ANGPT1: variants seen among roughly 807,000 people sequenced by gnomAD.
The protein encoded by ANGPT1 is angiopoietin-1.
ANGPT1 carries 17 observed loss-of-function variants against 62.2 expected under a neutral mutation model. The observed-to-expected ratio is 0.27, with a 90% CI of 0.19 to 0.41. ANGPT1 has a LOEUF of 0.41. Among genes scored for constraint, ANGPT1 ranks in the 10% least tolerant of loss-of-function variants. The pLI is 1.00. For missense variants in ANGPT1, 478 were observed against 594.9 expected (o/e 0.80, Z 2.04); for synonymous variants, 199 against 198.9 (o/e 1.00, Z 0.00).
At chr8:107,485,968 G>C (rs1339215761) in intron 1 of ANGPT1, among the ~76,000 whole-genome samples, 1 of 152,224 alleles carries the variant, frequency 6.6e-6, no homozygotes, top group African/African-American at 2.4e-5. Flanking sequence ...GACTGCAGAC[G>C]TGGGATTCTG....
At chr8:107,294,250 A>C (rs1814356105) in intron 5 of ANGPT1, 1 of 406,358 alleles carries the variant, frequency 2.5e-6, no homozygotes, top group South Asian at 5.6e-5. Context: ...TCAATGATGA[A>C]TAAATTACAT....
chr8:107,497,274 C>T lies in ANGPT1; in HGVS notation c.285G>A (p.Gln95=), dbSNP rs141470954. The T allele has an allele frequency of 1.9e-6, 3 of 1,613,142 alleles. No individual in the cohort carries two copies. Among genetic ancestry groups the T allele is most frequent in the African/African-American group, 1.3e-5 (1 of 74,876 alleles). ...HLEHVMENYT[Q]WLQKLENYIV... ...AGCAATCACTTACTTTTTGCAGCCACTGAGTATAATTTTCCATCACATGTT... is the reference window on the plus strand; with the variant it reads ...AGCAATCACTTACTTTTTGCAGCCATTGAGTATAATTTTCCATCACATGTT... Residue 95 remains glutamine, a synonymous_variant, in exon 1 of 9, where the codon CAG becomes CAA. Transcript: ENST00000517746.
chr8:107,368,863 T>C (rs566878761), intron 1 of ANGPT1, among the ~76,000 whole-genome samples: 1 of 144,306 alleles, frequency 6.9e-6, no homozygotes, highest in East Asian at 2.1e-4. Context: ...TTCCTTATAC[T>C]TATTTATAAG....
chr8:107,436,385 C>A (rs2916085), intron 1 of ANGPT1, among the ~76,000 whole-genome samples: 128,223 of 152,196 alleles, frequency 0.84, 54,128 homozygotes, highest in East Asian at 0.88. Context: ...TGCATTCATC[C>A]TCCAGAATAT....
intron 1 of ANGPT1, among the ~76,000 whole-genome samples, chr8:107,356,323 A>G (rs1386758098): frequency 6.6e-6 from 1 of 152,234 alleles, no homozygotes; most frequent in Non-Finnish European, 1.5e-5. Flanking sequence ...CATACATAAA[A>G]GCAAAAGAAG....
At position 107,440,891 on chromosome 8, in the gene ANGPT1, T is replaced by A. The variant is rs1326143196; in HGVS notation, c.297+56371A>T. ...TGTCATATGCTTAACTTAAAATGTC[T>A]AATGTGGACACTCTAAACTAGAGAA... On this transcript the variant is annotated intron_variant, in intron 1 of 8. Transcript: ENST00000517746. Among the ~76,000 whole-genome samples, 4 of 152,350 alleles carry A rather than the reference T, an allele frequency of 2.6e-5. No individual in the cohort carries two copies. In the East Asian group the frequency reaches 7.7e-4, roughly 29 times the overall value.
At chr8:107,281,365 T>G (rs2130119788) in intron 7 of ANGPT1, among the ~76,000 whole-genome samples, 1 of 152,310 alleles carries the variant, frequency 6.6e-6, no homozygotes, top group African/African-American at 2.4e-5. Flanking sequence ...TGAGAAAAGT[T>G]ATAGAAAACA....
rs547593555 is a variant in ANGPT1 at position 107,350,666 on chromosome 8, C to T, written c.298-3569G>A. ...ACCTACACTAAAATGCTCATTTAGG[C>T]TGCTATGATGAGTAGCATGAATATA... On this transcript the variant is annotated intron_variant, in intron 1 of 8. Transcript: ENST00000517746. Among the ~76,000 whole-genome samples, 25 of 152,252 alleles carry T rather than the reference C, an allele frequency of 1.6e-4. No individual in the cohort carries two copies. In the South Asian group the frequency reaches 5.2e-3, roughly 32 times the overall value.
intron 8 of ANGPT1, among the ~76,000 whole-genome samples, chr8:107,255,303 C>T (rs902179913): frequency 3.3e-5 from 5 of 152,124 alleles, no homozygotes; most frequent in African/African-American, 1.2e-4. Context: ...AGTCTGTACT[C>T]TGGAAGACCA....
chr8:107,322,166 ATGTT>A, intron 3 of ANGPT1, 38 bp from the exon 4 acceptor site: 2 of 1,465,054 alleles, frequency 1.4e-6, no homozygotes, highest in African/African-American at 1.4e-5. Flanking sequence ...ATTTGAAAAA[ATGTT>A]ATACAAAAAA....
At position 107,264,354 on chromosome 8, in the gene ANGPT1, G is replaced by T; in HGVS notation, c.1206-3C>A. The T allele has an allele frequency of 6.2e-7, 1 of 1,610,492 alleles. No homozygotes were observed. ...CAGTGTGACCTTTTAAATACAACCT[G>T]AAGTCAAAAAGAAAAAAAAGAAAGA... On this transcript the variant is annotated splice_region_variant and splice_polypyrimidine_tract_variant and intron_variant, in intron 7 of 8. Coordinates refer to ENST00000517746, the MANE Select transcript of ANGPT1 (RefSeq NM_001146.5).
intron 4 of ANGPT1, among the ~76,000 whole-genome samples, chr8:107,307,160 T>G (rs1814738244): frequency 1.3e-5 from 2 of 152,102 alleles, no homozygotes; most frequent in Non-Finnish European, 2.9e-5. Flanking sequence ...TCATTGAGAA[T>G]TTAGATCCCT....
At chr8:107,261,824 C>T (rs1287780317) in intron 8 of ANGPT1, among the ~76,000 whole-genome samples, 1 of 151,878 alleles carries the variant, frequency 6.6e-6, no homozygotes, top group Admixed American at 6.6e-5. Context: ...ACATAGGTGG[C>T]ATGGATGGGG....
At chr8:107,392,290 G>A (rs1308055178) in intron 1 of ANGPT1, among the ~76,000 whole-genome samples, 1 of 152,056 alleles carries the variant, frequency 6.6e-6, no homozygotes, top group Non-Finnish European at 1.5e-5. Context: ...TCACAATAAT[G>A]AAATAAATTT....
At chr8:107,342,082 A>G (rs1815707549) in intron 2 of ANGPT1, among the ~76,000 whole-genome samples, 1 of 152,146 alleles carries the variant, frequency 6.6e-6, no homozygotes, top group East Asian at 1.9e-4. Context: ...AACAAACAAA[A>G]AAACCCAAAA....
intron 8 of ANGPT1, among the ~76,000 whole-genome samples, chr8:107,253,654 T>TG (rs1813295197): frequency 1.3e-5 from 2 of 152,160 alleles, no homozygotes. Flanking sequence ...CAAGTTGCAT[T>TG]GGGGTAAAAT....
intron 1 of ANGPT1, among the ~76,000 whole-genome samples, chr8:107,421,056 A>G (rs1186578798): frequency 6.6e-6 from 1 of 152,204 alleles, no homozygotes; most frequent in African/African-American, 2.4e-5. Flanking sequence ...TTAAAAACAT[A>G]TATCCATAAA....
At position 107,267,381 on chromosome 8, in the gene ANGPT1, G is replaced by A. The variant is rs566998769; in HGVS notation, c.1206-3030C>T. Among the ~76,000 whole-genome samples the A allele has an allele frequency of 2.0e-5, 3 of 152,170 alleles. No homozygotes were observed. In the East Asian group the frequency reaches 5.8e-4, roughly 29 times the overall value. On this transcript the variant is annotated intron_variant, in intron 7 of 8. Coordinates refer to ENST00000517746, the MANE Select transcript of ANGPT1 (RefSeq NM_001146.5). ...TCTCTCTATATGTGTGCTGGTATAG[G>A]TATAGGTATATAGGTATAGGTATTA...
chr8:107,393,148 T>A (rs984388589), intron 1 of ANGPT1, among the ~76,000 whole-genome samples: 1 of 152,220 alleles, frequency 6.6e-6, no homozygotes, highest in Non-Finnish European at 1.5e-5. Context: ...TTTTTTCCCA[T>A]CAGTGCATGC....
Sources: gnomAD v4.1 joint callset for allele counts (sites outside exome capture counted in the v4.1 genomes callset) on GRCh38, gnomAD v4.1.1 for gene constraint, MANE v1.5 for transcripts, NCBI Gene and HGNC (gene_info 2026-07-23, HGNC 2026-07-21) for gene names.